FBH1: variants seen among roughly 807,000 people sequenced by gnomAD.
FBH1 encodes the protein F-box DNA helicase 1.
A neutral mutation model predicts 115.5 loss-of-function variants in FBH1; 43 were observed. The observed-to-expected ratio is 0.37, with a 90% CI of 0.29 to 0.48. The LOEUF is 0.48. FBH1 is among the 20% of genes least tolerant of loss of function. The probability of loss-of-function intolerance (pLI) is 0.99; values close to 1 mark genes in which losing one functional copy is unlikely to be tolerated. For missense variants in FBH1, 1,001 were observed against 1,337.3 expected (o/e 0.75, Z 3.92); for synonymous variants, 524 against 507.8 (o/e 1.03, Z -0.43).
Position 5,906,753 on chromosome 10 carries a change from G to GA in FBH1, c.753+122dup. On this transcript the variant is annotated intron_variant, in intron 3 of 20. Coordinates refer to ENST00000362091, the MANE Select transcript of FBH1 (RefSeq NM_178150.3). The surrounding 1 kb of genome is among the most constrained non-coding windows in gnomAD (Gnocchi z 7.3). ...TCCATTTGCCTTCAGAAGACATTCAGACTCCTTAGAGGCATTTAAGGCCTT... is the reference window on the plus strand; with the variant it reads ...TCCATTTGCCTTCAGAAGACATTCAGAACTCCTTAGAGGCATTTAAGGCCTT... 1.2e-6 allele frequency: 1 copy of GA among 812,672 alleles called. No homozygotes were observed. The highest frequency in any genetic ancestry group is 1.9e-6 in the Non-Finnish European group (1 of 521,610). The allele number at this position is 812,672 out of a possible 1,614,324, so 50.3% of individuals were successfully genotyped here. A position where few individuals can be genotyped will look rare whatever the true frequency, so the allele number is the denominator to read the frequency against.
At position 5,910,803 on chromosome 10, in the gene FBH1, A is replaced by G. The variant is rs566139528; in HGVS notation, c.1021-135A>G. The G allele has an allele frequency of 8.0e-5, 55 of 688,016 alleles. No homozygotes were observed. Among genetic ancestry groups the G allele is most frequent in the Non-Finnish European group, 1.3e-4 (53 of 422,092 alleles). 42.6% of individuals were successfully genotyped at this position (688,016 alleles called of 1,614,324 possible). A position where few individuals can be genotyped will look rare whatever the true frequency, so the allele number is the denominator to read the frequency against. ...CCTGTTTCCCAAATACAACTTGGAA[A>G]GTTTGGATTCAGTCCAGACAGTCTG... On this transcript the variant is annotated intron_variant, in intron 5 of 20. Transcript: ENST00000362091. The surrounding 1 kb of genome is among the most constrained non-coding windows in gnomAD (Gnocchi z 4.8).
In FBH1 at chr10:5,913,946, A is replaced by G. The variant is rs1831769096; in HGVS notation, c.1304+107A>G. On this transcript the variant is annotated intron_variant, in intron 7 of 20. Transcript: ENST00000362091. This position sits in a 1 kb window ranked among gnomAD's most constrained non-coding sequence, Gnocchi z 4.4. ...CTTTAGCAACATCATTGAGGTTAAT[A>G]ATGTAAATTGTGTAAAACTCACCCA... The G allele has an allele frequency of 1.1e-6, 1 of 938,936 alleles. No individual in the cohort carries two copies. Among genetic ancestry groups the G allele is most frequent in the African/African-American group, 1.7e-5 (1 of 59,642 alleles). The allele number at this position is 938,936 out of a possible 1,614,324, so 58.2% of individuals were successfully genotyped here.
rs1170481841 is a variant in FBH1 at position 5,911,924 on chromosome 10, A to G, written c.1211+796A>G. 2.6e-5 allele frequency among the ~76,000 whole-genome samples: 4 copies of G among 152,132 alleles called. No homozygotes were observed. The highest frequency in any genetic ancestry group is 2.6e-4 in the Admixed American group (4 of 15,280). ...GTGGGGAGAGCAGTTCAGAGAAGGT[A>G]TAGATGCCTTAAGGGCCTGAAGATG... On this transcript the variant is annotated intron_variant, in intron 6 of 20. Coordinates refer to ENST00000362091, the MANE Select transcript of FBH1 (RefSeq NM_178150.3). The surrounding 1 kb of genome is among the most constrained non-coding windows in gnomAD (Gnocchi z 5.4).
rs1296053276 is a variant in FBH1 at position 5,914,780 on chromosome 10, G to C, written c.1396+511G>C. On this transcript the variant is annotated intron_variant, in intron 8 of 20. Transcript: ENST00000362091. This position sits in a 1 kb window ranked among gnomAD's most constrained non-coding sequence, Gnocchi z 5.2. ...CTCTTTCATCACAGCCTTTGCTCGT[G>C]CTATTTGCTATTTTTTTTCTGCCTG... Among the ~76,000 whole-genome samples the C allele has an allele frequency of 6.6e-6, 1 of 152,166 alleles. No homozygotes were observed. The highest frequency in any genetic ancestry group is 2.4e-5 in the African/African-American group (1 of 41,442).
chr10:5,891,312 G>A (rs1842711634), intron 1 of FBH1, among the ~76,000 whole-genome samples: 1 of 152,230 alleles, frequency 6.6e-6, no homozygotes, highest in Admixed American at 6.5e-5. Context: ...GACAGAACTA[G>A]TCCAAGTACC....
In FBH1 at chr10:5,923,869, A is replaced by G. The variant is rs1832459411; in HGVS notation, c.2398+173A>G. ...CCTCGGGCCTCCTGTTTTCATAGGT[A>G]CTGACAGATTTTTCCAGATCCTCCT... On this transcript the variant is annotated intron_variant, in intron 16 of 20. Transcript: ENST00000362091. The surrounding 1 kb of genome is among the most constrained non-coding windows in gnomAD (Gnocchi z 5.7). 1 of 612,494 alleles carries G rather than the reference A, an allele frequency of 1.6e-6. No individual in the cohort carries two copies. Among genetic ancestry groups the G allele is most frequent in the Non-Finnish European group, 2.8e-6 (1 of 351,038 alleles). The allele number at this position is 612,494 out of a possible 1,614,324, so 37.9% of individuals were successfully genotyped here. A position where few individuals can be genotyped will look rare whatever the true frequency, so the allele number is the denominator to read the frequency against.
In FBH1 at chr10:5,924,709, A is replaced by G. The variant is rs1317214779; in HGVS notation, c.2596+201A>G. ...CAGCCTCGTGAGTAGCTGGGACTAC[A>G]GGCCCCACCACCAGCCCGGCTAGTT... On this transcript the variant is annotated intron_variant, in intron 17 of 20. Transcript: ENST00000362091. This position sits in a 1 kb window ranked among gnomAD's most constrained non-coding sequence, Gnocchi z 6.2. 1 of 633,832 alleles carries G rather than the reference A, an allele frequency of 1.6e-6. No homozygotes were observed. Among genetic ancestry groups the G allele is most frequent in the African/African-American group, 1.8e-5 (1 of 55,718 alleles). The allele number at this position is 633,832 out of a possible 1,614,324, so 39.3% of individuals were successfully genotyped here.
At position 5,921,533 on chromosome 10, in the gene FBH1, G is replaced by A. The variant is rs766748348; in HGVS notation, c.2286G>A (p.Thr762=). ...ANVFDEAVRV[T]EGEFPSRIHL... ...TGTTTGATGAGGCCGTACGGGTGAC[G>A]GAAGGGGAATTCCCTTCAAGGATAC... The change falls in exon 15 of 21, where the codon ACG becomes ACA. Residue 762 remains threonine (T), a synonymous_variant. Transcript: ENST00000362091. The surrounding 1 kb of genome is among the most constrained non-coding windows in gnomAD (Gnocchi z 6.4). 27 of 1,594,736 alleles carry A rather than the reference G, an allele frequency of 1.7e-5. No homozygotes were observed. The highest frequency in any genetic ancestry group is 3.8e-5 in the Admixed American group (2 of 52,600).
At chr10:5,896,284 C>G (rs1162744650) in intron 1 of FBH1, among the ~76,000 whole-genome samples, 1 of 152,020 alleles carries the variant, frequency 6.6e-6, no homozygotes, top group Non-Finnish European at 1.5e-5. Flanking sequence ...AGACTGTCAT[C>G]AAGGTGAAGA....
intron 13 of FBH1, among the ~76,000 whole-genome samples, chr10:5,920,863 C>T (rs903262947): frequency 2.0e-5 from 3 of 152,108 alleles, no homozygotes; most frequent in East Asian, 1.9e-4. Flanking sequence ...CAGGGCAGCA[C>T]GGACAATGTG....
intron 2 of FBH1, among the ~76,000 whole-genome samples, chr10:5,903,456 G>C (rs1027198928): frequency 6.6e-5 from 10 of 150,854 alleles, no homozygotes; most frequent in African/African-American, 2.0e-4. Flanking sequence ...TCCGCCTCCT[G>C]AGTAGCTGGG....
intron 2 of FBH1, among the ~76,000 whole-genome samples, chr10:5,903,708 C>T (rs1843516593): frequency 2.6e-5 from 4 of 152,128 alleles, no homozygotes; most frequent in Admixed American, 2.6e-4. Context: ...ATCCTATTAG[C>T]TTGTGTAATT....
intron 19 of FBH1, among the ~76,000 whole-genome samples, chr10:5,929,031 G>A (rs1832819292): frequency 1.3e-5 from 2 of 152,154 alleles, no homozygotes; most frequent in African/African-American, 4.8e-5. Context: ...CCACTTTTGA[G>A]TAAATGATAT....
intron 1 of FBH1, among the ~76,000 whole-genome samples, chr10:5,898,802 A>G (rs1334823395): frequency 6.6e-6 from 1 of 152,168 alleles, no homozygotes; most frequent in East Asian, 1.9e-4. Context: ...GGCACAGACT[A>G]TATGTCTGGC....
rs1212400120 is a variant in FBH1 at position 5,925,450 on chromosome 10, T to C, written c.2680T>C (p.Cys894Arg). Residue 894 changes from cysteine to arginine, a missense_variant, in exon 18 of 21, where the codon TGT becomes CGT. Cys to Arg is a radical substitution (Grantham distance 180). Transcript: ENST00000362091. This position sits in a 1 kb window ranked among gnomAD's most constrained non-coding sequence, Gnocchi z 4.6. ...TTTGGATGATTTTGTGAAAGTGCCT[T>C]GTGCCCGGCATAACCTGCCCCAGCT... ...HVLDDFVKVP[C>R]ARHNLPQLPH... 1 of 1,614,102 alleles carries C rather than the reference T, an allele frequency of 6.2e-7. No individual in the cohort carries two copies. The highest frequency in any genetic ancestry group is 1.3e-5 in the African/African-American group (1 of 74,942).
intron 3 of FBH1, among the ~76,000 whole-genome samples, chr10:5,908,429 T>C (rs1470554155): frequency 6.6e-6 from 1 of 152,204 alleles, no homozygotes; most frequent in Non-Finnish European, 1.5e-5. Flanking sequence ...CCCAGATTCT[T>C]TAACTATAAC....
Position 5,906,037 on chromosome 10 carries a change from G to A in FBH1, c.158G>A (p.Gly53Asp), listed in dbSNP as rs202040166. ...PKPRTKRGSR[G>D]QGSQRCIPEF... The stretch of plus-strand genomic sequence containing the variant: ...CATCCTGTTTGGGTTCTCTCTACAG[G>A]TCAGGGAAGTCAAAGATGCATCCCT... Residue 53 changes from glycine to aspartate, a missense_variant and splice_region_variant, in exon 3 of 21, where the codon GGT becomes GAT. Transcript: ENST00000362091. This position sits in a 1 kb window ranked among gnomAD's most constrained non-coding sequence, Gnocchi z 7.3. The A allele has an allele frequency of 3.4e-5, 54 of 1,605,082 alleles. No individual in the cohort carries two copies. In the East Asian group the frequency reaches 6.9e-4, roughly 21 times the overall value.
At position 5,936,845 on chromosome 10, in the gene FBH1, C is replaced by T. The variant is rs1833391157; in HGVS notation, c.2961+258C>T. 3.4e-6 allele frequency: 2 copies of T among 588,654 alleles called. No individual in the cohort carries two copies. The highest frequency in any genetic ancestry group is 3.0e-6 in the Non-Finnish European group (1 of 338,802). The allele number at this position is 588,654 out of a possible 1,614,324, so 36.5% of individuals were successfully genotyped here. On this transcript the variant is annotated intron_variant, in intron 20 of 20. Transcript: ENST00000362091. The surrounding 1 kb of genome is among the most constrained non-coding windows in gnomAD (Gnocchi z 5.6). Reference sequence around the variant, plus strand: ...ACACGCTTAGAGAGAGAGCTGTTCCCTGGGGTCCCAGCGCAGCTTTTCTTG... The same window carrying T: ...ACACGCTTAGAGAGAGAGCTGTTCCTTGGGGTCCCAGCGCAGCTTTTCTTG...
chr10:5,903,271 G>C, intron 2 of FBH1, 96 bp downstream of exon 2: 4 of 1,017,568 alleles, frequency 3.9e-6, no homozygotes, highest in Non-Finnish European at 5.5e-6. Flanking sequence ...TGTTGCTGCT[G>C]TGAGTTTGTA....
Sources: gnomAD v4.1 joint callset for allele counts (sites outside exome capture counted in the v4.1 genomes callset) on GRCh38, gnomAD v4.1.1 for gene constraint, Gnocchi (gnomAD v3.1) non-coding constraint, MANE v1.5 for transcripts, NCBI Gene and HGNC (gene_info 2026-07-23, HGNC 2026-07-21) for gene names.